EGFLAM: variants seen among roughly 807,000 people sequenced by gnomAD.
The protein encoded by EGFLAM is EGF like, fibronectin type III and laminin G domains.
Under a neutral mutation model 113.1 loss-of-function variants are expected in EGFLAM, and 79 were observed. The ratio of observed to expected loss-of-function variants is 0.70; its 90% confidence interval spans 0.58 to 0.84. The LOEUF is 0.84. Among genes scored for constraint, EGFLAM ranks in the 40% least tolerant of loss-of-function variants. EGFLAM has a pLI of 0.00. For synonymous variants in EGFLAM, 504 were observed against 487.6 expected (o/e 1.03, Z -0.44); for missense variants, 1,265 against 1,291.6 (o/e 0.98, Z 0.32).
At chr5:38,369,728 A>T (rs1323470960) in intron 5 of EGFLAM, among the ~76,000 whole-genome samples, 1 of 152,198 alleles carries the variant, frequency 6.6e-6, no homozygotes, top group Non-Finnish European at 1.5e-5. Flanking sequence ...AGCTCTAAGC[A>T]AAGGTCTGCC....
At position 38,370,396 on chromosome 5, in the gene EGFLAM, G is replaced by A. The variant is rs369204325; in HGVS notation, c.646G>A (p.Val216Met). Reference protein sequence around the residue: ...LDPDTNYQFAVRAMNSHGPSP... With the variant: ...LDPDTNYQFAMRAMNSHGPSP... ...TCCAGATACCAACTACCAGTTTGCC[G>A]TGAGGGCAATGAATTCCCATGGCCC... The change falls in exon 6 of 22, where the codon GTG becomes ATG. Residue 216 changes from valine (V) to methionine (M), a missense_variant. Val to Met is a conservative substitution (Grantham distance 21). Coordinates refer to ENST00000322350, the MANE Select transcript of EGFLAM (RefSeq NM_152403.4). 35 of 1,614,206 alleles carry A rather than the reference G, an allele frequency of 2.2e-5. No homozygotes were observed. The highest frequency in any genetic ancestry group is 6.7e-5 in the African/African-American group (5 of 75,064).
chr5:38,319,748 C>T (rs571993354), intron 1 of EGFLAM, among the ~76,000 whole-genome samples: 1 of 152,322 alleles, frequency 6.6e-6, no homozygotes, highest in East Asian at 1.9e-4. Flanking sequence ...ATATGCAGAG[C>T]ATACTTGAAA....
At chr5:38,418,340 G>T in intron 12 of EGFLAM, 85 bp downstream of exon 12, 1 of 1,497,820 alleles carries the variant, frequency 6.7e-7, no homozygotes, top group South Asian at 1.3e-5. Flanking sequence ...CATGGAGGGA[G>T]CAGCAACATT....
intron 5 of EGFLAM, among the ~76,000 whole-genome samples, chr5:38,357,575 G>A (rs565901395): frequency 5.9e-5 from 9 of 152,254 alleles, no homozygotes; most frequent in Admixed American, 1.3e-4. Flanking sequence ...AGAAGCACAC[G>A]TGACAGGTTT....
At position 38,425,074 on chromosome 5, in the gene EGFLAM, G is replaced by T; in HGVS notation, c.1792G>T (p.Gly598Cys). Reference sequence around the variant, plus strand: ...TTGCCTCTGTCCCCTTGGGTTTAAAGGTCGACACTGTGAAGATGGTGAGAA... The same window carrying T: ...TTGCCTCTGTCCCCTTGGGTTTAAATGTCGACACTGTGAAGATGGTGAGAA... ...YICLCPLGFK[G>C]RHCEDAFTLT... Residue 598 changes from glycine to cysteine, a missense_variant, in exon 13 of 22, where the codon GGT becomes TGT. By Grantham distance (159) the Gly-to-Cys change is radical. Coordinates refer to ENST00000322350, the MANE Select transcript of EGFLAM (RefSeq NM_152403.4). The T allele has an allele frequency of 6.2e-7, 1 of 1,613,932 alleles. No homozygotes were observed. The highest frequency in any genetic ancestry group is 8.5e-7 in the Non-Finnish European group (1 of 1,179,912).
At chr5:38,368,246 A>G (rs758278987) in intron 5 of EGFLAM, among the ~76,000 whole-genome samples, 12 of 152,154 alleles carry the variant, frequency 7.9e-5, no homozygotes, top group East Asian at 1.9e-4. Flanking sequence ...GAGTTTGTAA[A>G]TGTGTTTCCT....
chr5:38,291,363 T>A (rs1758327355), intron 1 of EGFLAM, among the ~76,000 whole-genome samples: 1 of 152,212 alleles, frequency 6.6e-6, no homozygotes, highest in Admixed American at 6.5e-5. Context: ...AGTCTGGATT[T>A]GGGGAGGAGA....
chr5:38,412,984 C>A (rs908866236), intron 11 of EGFLAM, among the ~76,000 whole-genome samples: 15 of 152,058 alleles, frequency 9.9e-5, no homozygotes, highest in Non-Finnish European at 8.8e-5. Context: ...TCAAAGCCAG[C>A]AGTAGAAGAA....
chr5:38,403,683 T>C, intron 6 of EGFLAM: 1 of 1,279,642 alleles, frequency 7.8e-7, no homozygotes, highest in Non-Finnish European at 1.1e-6. Context: ...ATGAATTGTT[T>C]ATTTCTGGAA....
At chr5:38,392,612 A>T (rs1740840706) in intron 6 of EGFLAM, among the ~76,000 whole-genome samples, 1 of 144,718 alleles carries the variant, frequency 6.9e-6, no homozygotes, top group African/African-American at 2.7e-5. Flanking sequence ...ACCTCACCAG[A>T]ATCTATTCTT....
rs899292447 is a variant in EGFLAM at position 38,387,253 on chromosome 5, G to T, written c.712+16791G>T. ...AATATAAAACCACCTCCACTGGCTT[G>T]TTGCTCTCCTGCTCCTCCTTGCTCA... On this transcript the variant is annotated intron_variant, in intron 6 of 21. Coordinates refer to ENST00000322350, the MANE Select transcript of EGFLAM (RefSeq NM_152403.4). 9.8e-4 allele frequency among the ~76,000 whole-genome samples: 150 copies of T among 152,316 alleles called. 1 individual carries two copies. The highest frequency in any genetic ancestry group is 3.6e-3 in the African/African-American group (148 of 41,576).
chr5:38,451,183 A>T, intron 18 of EGFLAM, 132 bp from the exon 19 acceptor site: 1 of 1,217,384 alleles, frequency 8.2e-7, no homozygotes, highest in Non-Finnish European at 1.2e-6. Context: ...GACTCGTGGT[A>T]ATGAAGTAAG....
At chr5:38,436,008 G>T (rs2112220788) in intron 16 of EGFLAM, among the ~76,000 whole-genome samples, 1 of 152,086 alleles carries the variant, frequency 6.6e-6, no homozygotes, top group African/African-American at 2.4e-5. Context: ...AGTAGAGACA[G>T]GGTTTCACCA....
chr5:38,443,467 G>C (rs1742612847), intron 17 of EGFLAM, among the ~76,000 whole-genome samples: 1 of 152,264 alleles, frequency 6.6e-6, no homozygotes, highest in Non-Finnish European at 1.5e-5. Context: ...TTGCTCTTTA[G>C]ATAGTTGAAG....
chr5:38,410,014 C>G (rs899720563), intron 10 of EGFLAM, among the ~76,000 whole-genome samples: 2 of 152,174 alleles, frequency 1.3e-5, no homozygotes, highest in African/African-American at 4.8e-5. Context: ...CCCCTGCTGC[C>G]TGACCTTCAG....
At chr5:38,321,720 T>C (rs1364512122) in intron 1 of EGFLAM, among the ~76,000 whole-genome samples, 1 of 152,012 alleles carries the variant, frequency 6.6e-6, no homozygotes, top group East Asian at 1.9e-4. Flanking sequence ...CTGCCAGAAG[T>C]CAACACTTGG....
At chr5:38,300,348 C>T (rs1441510151) in intron 1 of EGFLAM, among the ~76,000 whole-genome samples, 1 of 151,404 alleles carries the variant, frequency 6.6e-6, no homozygotes, top group African/African-American at 2.4e-5. Context: ...TTCTTCCCTT[C>T]TCTTCTCTTC....
At chr5:38,384,385 C>T (rs1458407660) in intron 6 of EGFLAM, among the ~76,000 whole-genome samples, 1 of 152,164 alleles carries the variant, frequency 6.6e-6, no homozygotes, top group Admixed American at 6.5e-5. Flanking sequence ...AGAGACCCCA[C>T]TTACATGCGT....
At position 38,448,341 on chromosome 5, in the gene EGFLAM, C is replaced by T. The variant is rs1252272347; in HGVS notation, c.2505C>T (p.Arg835=). 2 of 1,614,148 alleles carry T rather than the reference C, an allele frequency of 1.2e-6. No homozygotes were observed. The highest frequency in any genetic ancestry group is 2.2e-5 in the South Asian group (2 of 91,078). Reference sequence around the variant, plus strand: ...TTGAGATCCCGCAGTTTATCGGCCGCAGTTACCTGACGTATGACAACCCAG... The same window carrying T: ...TTGAGATCCCGCAGTTTATCGGCCGTAGTTACCTGACGTATGACAACCCAG... ...EAIEIPQFIG[R]SYLTYDNPDI... is the part of the protein sequence containing the mutation. Residue 835 remains arginine, a synonymous_variant, in exon 18 of 22, where the codon CGC becomes CGT. Coordinates refer to ENST00000322350, the MANE Select transcript of EGFLAM (RefSeq NM_152403.4).
Sources: allele counts gnomAD v4.1 joint callset (sites outside exome capture counted in the v4.1 genomes callset), GRCh38; gene constraint gnomAD v4.1.1; transcripts MANE v1.5; gene names NCBI Gene and HGNC (gene_info 2026-07-23, HGNC 2026-07-21).